Variants in DCAF5 observed in about 807,000 individuals in gnomAD.
DCAF5 encodes the protein DDB1 and CUL4 associated factor 5.
Under a neutral mutation model 80.7 loss-of-function variants are expected in DCAF5, and 9 were observed. That is an observed-to-expected ratio of 0.11 (90% CI 0.07 to 0.19). DCAF5 has a LOEUF of 0.19. DCAF5 is among the 10% of genes least tolerant of loss of function. DCAF5 has a pLI of 1.00. For synonymous variants in DCAF5, 433 were observed against 461.9 expected, an observed-to-expected ratio of 0.94 and a Z score of 0.80; for missense variants, 842 against 1,205.7, an observed-to-expected ratio of 0.70 and a Z score of 4.47.
intron 7 of DCAF5, among the ~76,000 whole-genome samples, chr14:69,071,011 T>C (rs2038670225): frequency 6.6e-6 from 1 of 152,140 alleles, no homozygotes; most frequent in South Asian, 2.1e-4. Context: ...TTAGCCAGAT[T>C]GGTCTCAAAC....
chr14:69,111,700 T>C (rs1237456448), intron 5 of DCAF5, among the ~76,000 whole-genome samples: 1 of 152,174 alleles, frequency 6.6e-6, no homozygotes, highest in African/African-American at 2.4e-5. Context: ...CAGCCCAAGA[T>C]AGATATAACT....
At chr14:69,136,861 T>A (rs1838861051) in intron 1 of DCAF5, among the ~76,000 whole-genome samples, 1 of 152,120 alleles carries the variant, frequency 6.6e-6, no homozygotes, top group Non-Finnish European at 1.5e-5. Context: ...TTTAAAAGAA[T>A]ATGCAACGAA....
At chr14:69,149,467 A>G (rs1595075612) in intron 1 of DCAF5, 1 of 152,140 alleles carries the variant, frequency 6.6e-6, no homozygotes, top group African/African-American at 2.4e-5. Flanking sequence ...TTTACTCAAT[A>G]TCTGCTGGCC....
chr14:69,099,251 AACACACACACACACACACACACACAC>A lies in DCAF5; in HGVS notation c.666-7390_666-7365del, dbSNP rs60913200. 3.8e-4 allele frequency among the ~76,000 whole-genome samples: 47 copies of A among 124,350 alleles called. 1 individual carries two copies. The East Asian group carries it at 5.6e-3, about 15-fold the overall frequency. 81.6% of individuals were successfully genotyped at this position (124,350 alleles called of 152,430 possible). On this transcript the variant is annotated intron_variant, in intron 5 of 8. Transcript: ENST00000341516. ...TGGCAACAGAGTGGGACTCTGTCTC[AACACACACACACACACACACACACAC>A]ACACACACACACACACACACACAAC...
chr14:69,105,786 G>C (rs951637145), intron 5 of DCAF5, among the ~76,000 whole-genome samples: 1 of 150,206 alleles, frequency 6.7e-6, no homozygotes, highest in Non-Finnish European at 1.5e-5. Flanking sequence ...CTCTACTGTC[G>C]GCCTACCTGG....
At chr14:69,096,987 G>A (rs1331918489) in intron 5 of DCAF5, among the ~76,000 whole-genome samples, 1 of 151,942 alleles carries the variant, frequency 6.6e-6, no homozygotes, top group Non-Finnish European at 1.5e-5. Flanking sequence ...CAGTAACAGT[G>A]CAGAAGGAGG....
intron 6 of DCAF5, chr14:69,084,216 A>G: frequency 2.0e-6 from 2 of 1,004,574 alleles, no homozygotes; most frequent in South Asian, 1.3e-5. Flanking sequence ...CACCACGTGC[A>G]TACCTATGGG....
intron 4 of DCAF5, among the ~76,000 whole-genome samples, chr14:69,117,288 A>T (rs1430557952): frequency 6.6e-6 from 1 of 152,236 alleles, no homozygotes; most frequent in Non-Finnish European, 1.5e-5. Context: ...ACTCGACCAC[A>T]GCTGCTACTT....
Position 69,152,609 on chromosome 14 carries a change from T to G in DCAF5, c.214+156A>C, listed in dbSNP as rs12879923. On this transcript the variant is annotated intron_variant, in intron 1 of 8. Transcript: ENST00000341516. The surrounding 1 kb of genome is among the most constrained non-coding windows in gnomAD (Gnocchi z 4.1). ...TCCTCTCCTTCCCCTCCCCCTGCAA[T>G]GGTTTTAATTTGACACCAAACCTTC... 1.6e-6 allele frequency: 1 copy of G among 609,198 alleles called. No homozygotes were observed. Among genetic ancestry groups the G allele is most frequent in the Non-Finnish European group, 2.9e-6 (1 of 347,942 alleles). The allele number at this position is 609,198 out of a possible 1,614,324, so 37.7% of individuals were successfully genotyped here.
Position 69,152,550 on chromosome 14 carries a change from T to C in DCAF5, c.214+215A>G. On this transcript the variant is annotated intron_variant, in intron 1 of 8. Coordinates refer to ENST00000341516, the MANE Select transcript of DCAF5 (RefSeq NM_003861.3). The surrounding 1 kb of genome is among the most constrained non-coding windows in gnomAD (Gnocchi z 4.1). ...CTTGGGATAAAGCGAATTAAGGAGC[T>C]GTCAACCATTTTAGGTCTTTTTTAT... 1.7e-6 allele frequency: 1 copy of C among 577,780 alleles called. No homozygotes were observed. The highest frequency in any genetic ancestry group is 2.1e-5 in the South Asian group (1 of 48,362). 35.8% of individuals were successfully genotyped at this position (577,780 alleles called of 1,614,324 possible).
Position 69,116,440 on chromosome 14 carries a change from A to C in DCAF5, c.591T>G (p.Pro197=). The change falls in exon 5 of 9, where the codon CCT becomes CCG. Residue 197 remains proline, a synonymous_variant. Coordinates refer to ENST00000341516, the MANE Select transcript of DCAF5 (RefSeq NM_003861.3). ...CTGTGGCCAACAACCTGGGCTCCAC[A>C]GGGTTAAACATGACACTATGAAAGG... is the stretch of plus-strand genomic sequence containing the variant. ...PSAFHSVMFN[P]VEPRLLATAN... is the part of the protein sequence containing the mutation. 1 of 1,613,670 alleles carries C rather than the reference A, an allele frequency of 6.2e-7. No individual in the cohort carries two copies. Among genetic ancestry groups the C allele is most frequent in the South Asian group, 1.1e-5 (1 of 91,056 alleles).
Position 69,055,371 on chromosome 14 carries a change from T to C in DCAF5, c.1315A>G (p.Ser439Gly). The C allele has an allele frequency of 4.3e-6, 7 of 1,614,168 alleles. No homozygotes were observed. The highest frequency in any genetic ancestry group is 5.9e-6 in the Non-Finnish European group (7 of 1,180,038). ...GWSSDSDSDL[S>G]ESTILQLHAG... ...TGCAGTTGGAGGATAGTACTCTCAC[T>C]GAGGTCACTGTCTGAGTCAGAGCTC... Residue 439 changes from serine to glycine, a missense_variant, in exon 9 of 9, where the codon AGT becomes GGT. By Grantham distance (56) the Ser-to-Gly change is moderately conservative (BLOSUM62 0). Around this residue, in one of 5 missense-constraint regions of DCAF5, gnomAD observed 607 missense variants for 656.6 expected, o/e 0.92. Coordinates refer to ENST00000341516, the MANE Select transcript of DCAF5 (RefSeq NM_003861.3). This position sits in a 1 kb window ranked among gnomAD's most constrained non-coding sequence, Gnocchi z 5.6.
At chr14:69,092,093 C>T (rs1392028501) in intron 5 of DCAF5, among the ~76,000 whole-genome samples, 1 of 152,164 alleles carries the variant, frequency 6.6e-6, no homozygotes, top group African/African-American at 2.4e-5. Flanking sequence ...TTCTCTTGCT[C>T]AGTCTCCAAA....
chr14:69,063,804 G>A (rs536706622), intron 7 of DCAF5, among the ~76,000 whole-genome samples: 13 of 152,222 alleles, frequency 8.5e-5, no homozygotes, highest in African/African-American at 2.4e-4. Flanking sequence ...TCTTTTTTAT[G>A]ACAGCAAAAG....
intron 5 of DCAF5, among the ~76,000 whole-genome samples, chr14:69,112,827 A>C (rs1254042123): frequency 6.6e-6 from 1 of 152,170 alleles, no homozygotes; most frequent in Admixed American, 6.5e-5. Flanking sequence ...GAAGTAACTT[A>C]TTCAAGATCA....
At chr14:69,142,478 CA>C (rs1214842541) in intron 1 of DCAF5, among the ~76,000 whole-genome samples, 1 of 152,184 alleles carries the variant, frequency 6.6e-6, no homozygotes, top group African/African-American at 2.4e-5. Flanking sequence ...CCTTCTTTTC[CA>C]CAGAAGCAGA....
At chr14:69,063,178 T>C (rs541359860) in intron 7 of DCAF5, among the ~76,000 whole-genome samples, 2 of 152,134 alleles carry the variant, frequency 1.3e-5, no homozygotes, top group Non-Finnish European at 2.9e-5. Context: ...AAAGATACCA[T>C]GTATAGATTA....
At position 69,054,714 on chromosome 14, in the gene DCAF5, G is replaced by A; in HGVS notation, c.1972C>T (p.Arg658Ter). 1.9e-6 allele frequency: 3 copies of A among 1,614,190 alleles called. No individual in the cohort carries two copies. Among genetic ancestry groups the A allele is most frequent in the Non-Finnish European group, 2.5e-6 (3 of 1,180,036 alleles). ...SPTSDIESVE[R>*]KIYKAYKWLR... ...CACTTGTAAGCTTTATAAATTTTTCGCTCAACTGATTCTATGTCAGAAGTT... is the reference window on the plus strand; with the variant it reads ...CACTTGTAAGCTTTATAAATTTTTCACTCAACTGATTCTATGTCAGAAGTT... The change falls in exon 9 of 9, where the codon CGA (arginine) becomes TGA (stop). Residue 658 changes from arginine to a stop codon, truncating the protein, a stop_gained. Coordinates refer to ENST00000341516, the MANE Select transcript of DCAF5 (RefSeq NM_003861.3). LOFTEE classifies it high-confidence loss of function.
chr14:69,062,654 G>A (rs2038263015), intron 7 of DCAF5, 143 bp from the exon 8 acceptor site: 1 of 879,620 alleles, frequency 1.1e-6, no homozygotes, highest in East Asian at 2.7e-5. Flanking sequence ...TTACAGATAA[G>A]TTGCTATGGA....
Sources: gnomAD v4.1 joint callset for allele counts (sites outside exome capture counted in the v4.1 genomes callset) on GRCh38, gnomAD v4.1.1 for gene constraint, gnomAD v4.1.1 regional missense constraint, Gnocchi (gnomAD v3.1) non-coding constraint, MANE v1.5 for transcripts, NCBI Gene and HGNC (gene_info 2026-07-23, HGNC 2026-07-21) for gene names.